Variants in PTPRD observed in about 807,000 individuals in gnomAD.
PTPRD encodes receptor-type tyrosine-protein phosphatase delta.
In PTPRD, 34 loss-of-function variants were observed where a neutral mutation model predicts 214.5. The observed-to-expected ratio is 0.16, with a 90% CI of 0.12 to 0.21. PTPRD has a LOEUF of 0.21. PTPRD is among the 10% of genes least tolerant of loss of function. PTPRD has a pLI of 1.00. For missense variants in PTPRD, 2,545 were observed against 2,398.7 expected, an observed-to-expected ratio of 1.06 and a Z score of -1.27; for synonymous variants, 1,128 against 845.7, an observed-to-expected ratio of 1.33 and a Z score of -5.79.
intron 3 of PTPRD, among the ~76,000 whole-genome samples, chr9:10,138,416 AAAACAAAC>A (rs552966698): frequency 1.7e-4 from 26 of 152,110 alleles, no homozygotes; most frequent in Non-Finnish European, 1.6e-4. Flanking sequence ...ACAACAAAAC[AAAACAAAC>A]AAACAAACAA....
chr9:10,301,035 A>G (rs2095847792), intron 3 of PTPRD, among the ~76,000 whole-genome samples: 1 of 152,034 alleles, frequency 6.6e-6, no homozygotes, highest in South Asian at 2.1e-4. Context: ...GCGTCTGGCA[A>G]TTGCCCCTCT....
At chr9:10,512,081 T>A (rs2048478978) in intron 2 of PTPRD, among the ~76,000 whole-genome samples, 1 of 146,598 alleles carries the variant, frequency 6.8e-6, no homozygotes, top group Non-Finnish European at 1.5e-5. Flanking sequence ...AAACTATGAT[T>A]AGGACTAAGA....
At chr9:10,132,975 C>T (rs1015095265) in intron 3 of PTPRD, among the ~76,000 whole-genome samples, 27 of 128,614 alleles carry the variant, frequency 2.1e-4, no homozygotes, top group African/African-American at 7.9e-4. Flanking sequence ...GTAGCTTCTG[C>T]CTTGGCATTG....
chr9:8,837,230 G>T (rs1431295825), intron 11 of PTPRD, among the ~76,000 whole-genome samples: 1 of 151,504 alleles, frequency 6.6e-6, no homozygotes. Flanking sequence ...GCCTAGGCTG[G>T]TCTCAAACTC....
At chr9:9,276,718 T>C (rs1243416067) in intron 9 of PTPRD, among the ~76,000 whole-genome samples, 1 of 151,398 alleles carries the variant, frequency 6.6e-6, no homozygotes, top group Non-Finnish European at 1.5e-5. Context: ...AAAATGGTGC[T>C]AAGGCCAAAA....
At chr9:9,780,108 G>C (rs1347744773) in intron 5 of PTPRD, among the ~76,000 whole-genome samples, 1 of 152,156 alleles carries the variant, frequency 6.6e-6, no homozygotes, top group African/African-American at 2.4e-5. Context: ...ACATTCTTTG[G>C]AGCAGTATGG....
chr9:9,326,834 T>G (rs1370616562), intron 9 of PTPRD, among the ~76,000 whole-genome samples: 2 of 152,258 alleles, frequency 1.3e-5, no homozygotes, highest in East Asian at 3.9e-4. Flanking sequence ...TATAAAAACT[T>G]TTAAAGCTAT....
chr9:9,569,279 G>GAAA (rs150202629), intron 8 of PTPRD, among the ~76,000 whole-genome samples: 2,650 of 145,360 alleles, frequency 0.018, 41 homozygotes, highest in Admixed American at 0.026. Flanking sequence ...GAGCAGAGGG[G>GAAA]AAAAAAAAAA....
intron 4 of PTPRD, among the ~76,000 whole-genome samples, chr9:9,965,822 A>G (rs2094651177): frequency 1.3e-5 from 2 of 152,170 alleles, no homozygotes; most frequent in South Asian, 2.1e-4. Flanking sequence ...GCTCTTGAAA[A>G]TCATCTAGGA....
chr9:9,967,770 T>A (rs529143206), intron 4 of PTPRD, among the ~76,000 whole-genome samples: 2 of 152,290 alleles, frequency 1.3e-5, no homozygotes, highest in South Asian at 4.1e-4. Context: ...GATATAGACA[T>A]TGAACATGCG....
intron 11 of PTPRD, among the ~76,000 whole-genome samples, chr9:8,799,430 T>C (rs1431480142): frequency 2.0e-5 from 3 of 152,178 alleles, no homozygotes; most frequent in Non-Finnish European, 4.4e-5. Context: ...CCTGGAATTG[T>C]CCAGTTTGGA....
chr9:10,378,255 T>C (rs916982733), intron 2 of PTPRD, among the ~76,000 whole-genome samples: 7 of 152,014 alleles, frequency 4.6e-5, no homozygotes, highest in Non-Finnish European at 7.4e-5. Context: ...AGTTTCCAGT[T>C]CTGTGGGTTG....
chr9:9,129,475 T>C (rs1238830622), intron 10 of PTPRD, among the ~76,000 whole-genome samples: 1 of 152,174 alleles, frequency 6.6e-6, no homozygotes, highest in East Asian at 1.9e-4. Flanking sequence ...ACGTATTTAT[T>C]TAGTTATTAT....
At chr9:10,076,275 C>T (rs541669344) in intron 3 of PTPRD, among the ~76,000 whole-genome samples, 10 of 152,186 alleles carry the variant, frequency 6.6e-5, no homozygotes, top group Admixed American at 2.0e-4. Flanking sequence ...TCTTGAACCA[C>T]GGTACTCATC....
At chr9:9,794,042 C>T (rs1331369365) in intron 5 of PTPRD, among the ~76,000 whole-genome samples, 1 of 151,896 alleles carries the variant, frequency 6.6e-6, no homozygotes, top group Non-Finnish European at 1.5e-5. Flanking sequence ...AGGCATTAAG[C>T]TAGGTTAAAA....
rs541647161 is a variant in PTPRD at position 10,112,884 on chromosome 9, C to T, written c.-544-79094G>A. On this transcript the variant is annotated intron_variant, in intron 3 of 45. Transcript: ENST00000381196. ...CCTACCTATATGTGACTAGTATAGA[C>T]CAGTTCTCTGGTATTTTAGAGCTTG... 4.8e-4 allele frequency among the ~76,000 whole-genome samples: 73 copies of T among 152,282 alleles called. 1 individual carries two copies. Among genetic ancestry groups the T allele is most frequent in the African/African-American group, 1.7e-3 (70 of 41,560 alleles).
chr9:8,446,458 G>A (rs1339766172), intron 34 of PTPRD, among the ~76,000 whole-genome samples: 6 of 152,136 alleles, frequency 3.9e-5, no homozygotes, highest in African/African-American at 1.2e-4. Flanking sequence ...ATTTCAAATC[G>A]TAATGTTTGT....
At chr9:9,854,125 T>C (rs2061081210) in intron 5 of PTPRD, among the ~76,000 whole-genome samples, 1 of 152,192 alleles carries the variant, frequency 6.6e-6, no homozygotes, top group African/African-American at 2.4e-5. Context: ...CTTGTAACCA[T>C]TGACAGATCT....
At chr9:10,166,111 G>T (rs142149713) in intron 3 of PTPRD, among the ~76,000 whole-genome samples, 1 of 149,482 alleles carries the variant, frequency 6.7e-6, no homozygotes, top group Non-Finnish European at 1.5e-5. Context: ...TAAAATATAT[G>T]TACATATATA....
Sources: gnomAD v4.1 joint callset for allele counts (sites outside exome capture counted in the v4.1 genomes callset) on GRCh38, gnomAD v4.1.1 for gene constraint, MANE v1.5 for transcripts, NCBI Gene and HGNC (gene_info 2026-07-23, HGNC 2026-07-21) for gene names.